GHR: variants seen among roughly 807,000 people sequenced by gnomAD.
GHR encodes growth hormone receptor.
In GHR, 35 loss-of-function variants were observed where a neutral mutation model predicts 67.1. The observed-to-expected ratio is 0.52, with a 90% CI of 0.40 to 0.69. The LOEUF is 0.69. Among genes scored for constraint, GHR ranks in the 30% least tolerant of loss-of-function variants. The pLI, the probability that GHR is intolerant of heterozygous loss-of-function variation, is 0.00. For missense variants in GHR, 792 were observed against 764.6 expected, an observed-to-expected ratio of 1.04 and a Z score of -0.42; for synonymous variants, 272 against 269.1, an observed-to-expected ratio of 1.01 and a Z score of -0.10.
intron 1 of GHR, among the ~76,000 whole-genome samples, chr5:42,447,796 C>A (rs1743878659): frequency 6.7e-6 from 1 of 149,012 alleles, no homozygotes; most frequent in South Asian, 2.2e-4. Context: ...CTTTCTCTAG[C>A]CCTGCCACCC....
At chr5:42,696,447 C>G (rs1240470743) in intron 5 of GHR, among the ~76,000 whole-genome samples, 2 of 152,206 alleles carry the variant, frequency 1.3e-5, no homozygotes, top group African/African-American at 4.8e-5. Context: ...GAATTGGACT[C>G]TCCCTATTTT....
chr5:42,538,009 A>G (rs184299578), intron 1 of GHR, among the ~76,000 whole-genome samples: 276 of 152,304 alleles, frequency 1.8e-3, no homozygotes, highest in African/African-American at 6.4e-3. Context: ...TTTGCATGAA[A>G]TGCCTTTTTC....
chr5:42,544,061 G>C (rs1334696577), intron 1 of GHR, among the ~76,000 whole-genome samples: 1 of 152,104 alleles, frequency 6.6e-6, no homozygotes, highest in African/African-American at 2.4e-5. Context: ...CAGGCAGCAG[G>C]TCTCAAAACC....
intron 2 of GHR, among the ~76,000 whole-genome samples, chr5:42,578,582 A>T (rs1750896024): frequency 6.6e-6 from 1 of 152,220 alleles, no homozygotes; most frequent in Non-Finnish European, 1.5e-5. Context: ...CTCCTTTTGA[A>T]TGAAATCAGA....
rs184594427 is a variant in GHR at position 42,618,733 on chromosome 5, T to C, written c.71-10305T>C. ...TCAGTACTTCACATACATTATTTCATTTTTTTGAAATATTATTTCTACTTT... is the reference window on the plus strand; with the variant it reads ...TCAGTACTTCACATACATTATTTCACTTTTTTGAAATATTATTTCTACTTT... On this transcript the variant is annotated intron_variant, in intron 2 of 9. Coordinates refer to ENST00000230882, the MANE Select transcript of GHR (RefSeq NM_000163.5). Among the ~76,000 whole-genome samples, 13 of 152,258 alleles carry C rather than the reference T, an allele frequency of 8.5e-5. No individual in the cohort carries two copies. In the East Asian group the frequency reaches 2.3e-3, roughly 27 times the overall value.
intron 3 of GHR, among the ~76,000 whole-genome samples, chr5:42,640,851 G>A (rs889093963): frequency 6.6e-5 from 10 of 151,782 alleles, no homozygotes; most frequent in Non-Finnish European, 1.2e-4. Context: ...AAAGACCCTC[G>A]TTTGAGAATC....
intron 1 of GHR, among the ~76,000 whole-genome samples, chr5:42,469,194 TC>T (rs1744888143): frequency 6.6e-6 from 1 of 152,194 alleles, no homozygotes; most frequent in African/African-American, 2.4e-5. Flanking sequence ...CAAACTGCAT[TC>T]TCTCACTGTT....
intron 2 of GHR, among the ~76,000 whole-genome samples, chr5:42,601,438 G>A (rs1483026603): frequency 2.0e-5 from 3 of 151,768 alleles, no homozygotes; most frequent in Non-Finnish European, 4.4e-5. Flanking sequence ...TGTTACCCAG[G>A]TATTTAAAAA....
chr5:42,424,450 C>T lies in GHR; in HGVS notation c.-12+495C>T, dbSNP rs1742754099. ...CGGGGAAGAATCCCCGGCAGCGCGACTGGAGAGACTGGGGAGGTCGAGCTG... is the reference window on the plus strand; with the variant it reads ...CGGGGAAGAATCCCCGGCAGCGCGATTGGAGAGACTGGGGAGGTCGAGCTG... On this transcript the variant is annotated intron_variant, in intron 1 of 9. Transcript: ENST00000230882. The surrounding 1 kb of genome is among the most constrained non-coding windows in gnomAD (Gnocchi z 4.1). 1 of 686,294 alleles carries T rather than the reference C, an allele frequency of 1.5e-6. No homozygotes were observed. Among genetic ancestry groups the T allele is most frequent in the African/African-American group, 1.8e-5 (1 of 56,436 alleles). The allele number at this position is 686,294 out of a possible 1,614,324, so 42.5% of individuals were successfully genotyped here.
chr5:42,571,078 C>A (rs1483660635), intron 2 of GHR, among the ~76,000 whole-genome samples: 1 of 152,174 alleles, frequency 6.6e-6, no homozygotes, highest in Admixed American at 6.5e-5. Context: ...TAAGTTTCTG[C>A]ATTTTTAATT....
At chr5:42,594,240 T>C (rs1751947994) in intron 2 of GHR, among the ~76,000 whole-genome samples, 1 of 152,190 alleles carries the variant, frequency 6.6e-6, no homozygotes, top group Non-Finnish European at 1.5e-5. Context: ...TTTATAAAAG[T>C]ACAAAAGCCC....
intron 1 of GHR, among the ~76,000 whole-genome samples, chr5:42,447,264 A>C (rs946644922): frequency 6.6e-6 from 1 of 152,120 alleles, no homozygotes; most frequent in African/African-American, 2.4e-5. Flanking sequence ...TATACACTGT[A>C]CCCAGTGTGT....
At chr5:42,467,424 G>A in intron 1 of GHR, 1 of 943,366 alleles carries the variant, frequency 1.1e-6, no homozygotes, top group Admixed American at 1.9e-5. Flanking sequence ...GGACAATATG[G>A]TTTGAGCTCC....
chr5:42,449,507 A>G (rs1012583380), intron 1 of GHR, among the ~76,000 whole-genome samples: 1 of 152,180 alleles, frequency 6.6e-6, no homozygotes, highest in Non-Finnish European at 1.5e-5. Flanking sequence ...ACTTTACTGA[A>G]TTCATTTATC....
intron 3 of GHR, among the ~76,000 whole-genome samples, chr5:42,640,465 G>A (rs1365754632): frequency 2.0e-5 from 3 of 152,106 alleles, no homozygotes; most frequent in African/African-American, 7.2e-5. Context: ...TGCTGCTGCT[G>A]TTACTACTAC....
chr5:42,639,808 C>T (rs1754376967), intron 3 of GHR, among the ~76,000 whole-genome samples: 1 of 152,180 alleles, frequency 6.6e-6, no homozygotes. Context: ...AGGGCAGGGA[C>T]TGAACCTTTC....
At position 42,546,788 on chromosome 5, in the gene GHR, T is replaced by TAA. The variant is rs553305071; in HGVS notation, c.-11-19075_-11-19074dup. 5.3e-5 allele frequency among the ~76,000 whole-genome samples: 8 copies of TAA among 152,150 alleles called. No individual in the cohort carries two copies. The South Asian group carries it at 1.7e-3, about 32-fold the overall frequency. On this transcript the variant is annotated intron_variant, in intron 1 of 9. Transcript: ENST00000230882. ...GATTGGAGAGAATTTGTCTGAGTGT[T>TAA]AAGAGGCCATTCTCAAACCCAAGTG...
intron 1 of GHR, among the ~76,000 whole-genome samples, chr5:42,480,708 A>G (rs929253170): frequency 1.2e-4 from 19 of 152,148 alleles, no homozygotes; most frequent in African/African-American, 3.6e-4. Flanking sequence ...TAGGATTGCA[A>G]CCCCTGCCTT....
intron 1 of GHR, among the ~76,000 whole-genome samples, chr5:42,490,468 G>C (rs1327386936): frequency 6.6e-6 from 1 of 152,106 alleles, no homozygotes; most frequent in Non-Finnish European, 1.5e-5. Flanking sequence ...CTGTGCCCAG[G>C]GCTTTGAATG....
Sources: gnomAD v4.1 joint callset for allele counts (sites outside exome capture counted in the v4.1 genomes callset) on GRCh38, gnomAD v4.1.1 for gene constraint, Gnocchi (gnomAD v3.1) non-coding constraint, MANE v1.5 for transcripts, NCBI Gene and HGNC (gene_info 2026-07-23, HGNC 2026-07-21) for gene names.